Variants in SEPTIN1 observed in about 807,000 individuals in gnomAD.
The protein encoded by SEPTIN1 is septin 1.
SEPTIN1 carries 52 observed loss-of-function variants against 50.7 expected under a neutral mutation model. That is an observed-to-expected ratio of 1.03 (90% confidence interval 0.82 to 1.29). SEPTIN1 has a LOEUF of 1.29. SEPTIN1 is among the 50% of genes most tolerant of loss of function. The pLI, the probability that SEPTIN1 is intolerant of heterozygous loss-of-function variation, is 0.00. For missense variants in SEPTIN1, 455 were observed against 490.7 expected (o/e 0.93, Z 0.69); for synonymous variants, 204 against 189.1 (o/e 1.08, Z -0.65).
chr16:30,382,800 G>A (rs1295434890), upstream of SEPTIN1: 18 of 1,535,234 alleles, frequency 1.2e-5, no homozygotes, highest in Non-Finnish European at 1.6e-5. The surrounding 1 kb of genome is among the most constrained non-coding windows in gnomAD (Gnocchi z 4.8). Context: ...ATCGTGGTGA[G>A]ACATGGGGTA....
chr16:30,378,821 T>A (rs2049791433), intron 9 of SEPTIN1, 121 bp from the exon 10 acceptor site: 1 of 655,512 alleles, frequency 1.5e-6, no homozygotes, highest in Non-Finnish European at 2.1e-6. Flanking sequence ...TCCTTGAGGT[T>A]AGGGCCGGAG....
In SEPTIN1 at chr16:30,379,217, AG is replaced by A. The variant is rs754959275; in HGVS notation, c.776-35del. 2.5e-6 allele frequency: 4 copies of A among 1,611,554 alleles called. No homozygotes were observed. The African/African-American group carries it at 5.3e-5, about 22-fold the overall frequency. On this transcript the variant is annotated intron_variant, in intron 8 of 10. Transcript: ENST00000321367. ...GGGGCGGCGCGGACCAGCGAACGTCAGGGAGTTTCGGGTCCAACCCACCCGT... is the reference window on the plus strand; with the variant it reads ...GGGGCGGCGCGGACCAGCGAACGTCAGGAGTTTCGGGTCCAACCCACCCGT...
chr16:30,381,300 T>G lies in SEPTIN1; in HGVS notation c.455+39A>C. Reference sequence around the variant, plus strand: ...TCAGGGGGCAGAGACCCCCCAGCCCTCCCTAAATGCGCCAGCCCCCAGGAT... The same window carrying G: ...TCAGGGGGCAGAGACCCCCCAGCCCGCCCTAAATGCGCCAGCCCCCAGGAT... On this transcript the variant is annotated intron_variant, in intron 5 of 10. Coordinates refer to ENST00000321367, the MANE Select transcript of SEPTIN1 (RefSeq NM_001365977.2). The surrounding 1 kb of genome is among the most constrained non-coding windows in gnomAD (Gnocchi z 4.3). 149 of 1,209,940 alleles carry G rather than the reference T, an allele frequency of 1.2e-4. No individual in the cohort carries two copies. Among genetic ancestry groups the G allele is most frequent in the Non-Finnish European group, 1.5e-4 (132 of 878,276 alleles). 75.0% of individuals were successfully genotyped at this position (1,209,940 alleles called of 1,614,324 possible). A position where few individuals can be genotyped will look rare whatever the true frequency, so the allele number is the denominator to read the frequency against.
chr16:30,379,300 G>A, intron 8 of SEPTIN1, 117 bp from the exon 9 acceptor site: 2 of 1,461,492 alleles, frequency 1.4e-6, no homozygotes, highest in Non-Finnish European at 1.9e-6. Flanking sequence ...TCCGCGGTCT[G>A]CAGCCCAGCG....
In SEPTIN1 at chr16:30,378,245, G is replaced by C; in HGVS notation, c.*189C>G. On this transcript the variant is annotated 3_prime_UTR_variant, in exon 11 of 11. Coordinates refer to ENST00000321367, the MANE Select transcript of SEPTIN1 (RefSeq NM_001365977.2). ...GTGCAGGCCCCGGGCCGGGAAGTGG[G>C]CGGTGTCTGGGTGGGCGGGACCAGC... 1 of 673,872 alleles carries C rather than the reference G, an allele frequency of 1.5e-6. No homozygotes were observed. Among genetic ancestry groups the C allele is most frequent in the Admixed American group, 2.5e-5 (1 of 40,150 alleles). The allele number at this position is 673,872 out of a possible 1,614,324, so 41.7% of individuals were successfully genotyped here.
At chr16:30,379,315 C>G (rs1328446903) in intron 8 of SEPTIN1, 120 bp downstream of exon 8, 2 of 1,435,420 alleles carry the variant, frequency 1.4e-6, no homozygotes, top group East Asian at 2.3e-5. Flanking sequence ...CCAGCGACCC[C>G]CCTTTCCTCC....
chr16:30,379,426 C>T lies in SEPTIN1; in HGVS notation c.775+9G>A, dbSNP rs1567423493. On this transcript the variant is annotated intron_variant, in intron 8 of 10. Transcript: ENST00000321367. The stretch of plus-strand genomic sequence containing the variant: ...GCTGGCCTTAGGACCCCTGCCTGGC[C>T]TCACTCACCCTCCACGGTCCCCCAG... 6.2e-7 allele frequency: 1 copy of T among 1,612,156 alleles called. No individual in the cohort carries two copies. The highest frequency in any genetic ancestry group is 8.5e-7 in the Non-Finnish European group (1 of 1,178,542).
At position 30,379,914 on chromosome 16, in the gene SEPTIN1, C is replaced by T. The variant is rs373992667; in HGVS notation, c.675+18G>A. 1.4e-6 allele frequency: 2 copies of T among 1,406,700 alleles called. No homozygotes were observed. Among genetic ancestry groups the T allele is most frequent in the African/African-American group, 2.8e-5 (2 of 70,356 alleles). 87.1% of individuals were successfully genotyped at this position (1,406,700 alleles called of 1,614,324 possible). A position where few individuals can be genotyped will look rare whatever the true frequency, so the allele number is the denominator to read the frequency against. ...GAGCCACCGTGCCCGGCCTGCCTTC[C>T]TTCTTTGTTTCCCACACCTTCATCT... On this transcript the variant is annotated intron_variant, in intron 7 of 10. Coordinates refer to ENST00000321367, the MANE Select transcript of SEPTIN1 (RefSeq NM_001365977.2).
chr16:30,379,913 C>T lies in SEPTIN1; in HGVS notation c.675+19G>A. On this transcript the variant is annotated intron_variant, in intron 7 of 10. Transcript: ENST00000321367. ...TGAGCCACCGTGCCCGGCCTGCCTTCCTTCTTTGTTTCCCACACCTTCATC... is the reference window on the plus strand; with the variant it reads ...TGAGCCACCGTGCCCGGCCTGCCTTTCTTCTTTGTTTCCCACACCTTCATC... The T allele has an allele frequency of 7.2e-7, 1 of 1,385,958 alleles. No individual in the cohort carries two copies. Among genetic ancestry groups the T allele is most frequent in the East Asian group, 2.3e-5 (1 of 43,428 alleles). 85.9% of individuals were successfully genotyped at this position (1,385,958 alleles called of 1,614,324 possible). A position where few individuals can be genotyped will look rare whatever the true frequency, so the allele number is the denominator to read the frequency against.
rs2049784077 is a variant in SEPTIN1, at chr16:30,378,513, C to A, written c.1040G>T (p.Arg347Leu). Residue 347 changes from arginine to leucine, a missense_variant, in exon 11 of 11, where the codon CGC (arginine) becomes CTC (leucine). By Grantham distance (102) the Arg-to-Leu change is moderately radical (BLOSUM62 -2). Transcript: ENST00000321367. ...CATCTTCTCCAGCATCTCTTGCATG[C>A]GGCGCAGCTGTGCAGGGCGAGATTG... The part of the protein sequence containing the change: ...LIREKDEELR[R>L]MQEMLEKMQA... 6.3e-7 allele frequency: 1 copy of A among 1,582,188 alleles called. No homozygotes were observed. The highest frequency in any genetic ancestry group is 8.6e-7 in the Non-Finnish European group (1 of 1,164,126).
At chr16:30,382,571 C>T, upstream of SEPTIN1, 1 of 1,580,162 alleles carries the variant, frequency 6.3e-7, no homozygotes, top group Non-Finnish European at 8.6e-7. The surrounding 1 kb of genome is among the most constrained non-coding windows in gnomAD (Gnocchi z 4.8). Flanking sequence ...TCCCCACTTC[C>T]TCTGGTGGGG....
chr16:30,378,974 G>A (rs760365510), intron 9 of SEPTIN1, 44 bp downstream of exon 9: 1 of 1,586,350 alleles, frequency 6.3e-7, no homozygotes. Flanking sequence ...TCATGGGTGA[G>A]GCGGGACCTT....
In SEPTIN1 at chr16:30,379,010, G is replaced by T. The variant is rs777791430; in HGVS notation, c.941+8C>A. 1.2e-6 allele frequency: 2 copies of T among 1,612,228 alleles called. No individual in the cohort carries two copies. Among genetic ancestry groups the T allele is most frequent in the South Asian group, 2.2e-5 (2 of 90,990 alleles). Reference sequence around the variant, plus strand: ...GGAGGCTCTGATACTGTCCGCCCCGGGTCTCACCTGCGGCTGGCTCGATCG... The same window carrying T: ...GGAGGCTCTGATACTGTCCGCCCCGTGTCTCACCTGCGGCTGGCTCGATCG... On this transcript the variant is annotated splice_region_variant and intron_variant, in intron 9 of 10. Transcript: ENST00000321367.
chr16:30,380,809 A>G, intron 6 of SEPTIN1: 1 of 382,696 alleles, frequency 2.6e-6, no homozygotes, highest in Non-Finnish European at 4.8e-6. Flanking sequence ...AGAGAGATAT[A>G]AGCAGAAACA....
In SEPTIN1 at chr16:30,379,640, CTTTTTTTTT is replaced by C. The variant is rs71149011; in HGVS notation, c.676-115_676-107del. 2,037 of 239,278 alleles carry C rather than the reference CTTTTTTTTT, an allele frequency of 8.5e-3. 2 individuals are homozygous for C. Among genetic ancestry groups the C allele is most frequent in the African/African-American group, 0.024 (645 of 26,912 alleles). 14.8% of individuals were successfully genotyped at this position (239,278 alleles called of 1,614,324 possible). ...CCTCCTCTGCTTCCTGCCCCTTCCT[CTTTTTTTTT>C]TTTTTTTTTTTTTTTTTGAGACAGG... On this transcript the variant is annotated intron_variant, in intron 7 of 10. Coordinates refer to ENST00000321367, the MANE Select transcript of SEPTIN1 (RefSeq NM_001365977.2).
intron 10 of SEPTIN1, 42 bp from the exon 11 acceptor site, chr16:30,378,562 G>T: frequency 6.2e-7 from 1 of 1,606,934 alleles, no homozygotes. Flanking sequence ...GGCGAAGCCA[G>T]AGGGGGACCT....
chr16:30,380,157 G>C (rs1019785247), intron 6 of SEPTIN1, 124 bp from the exon 7 acceptor site: 2 of 629,746 alleles, frequency 3.2e-6, no homozygotes, highest in African/African-American at 3.8e-5. Context: ...ATGAAAGACA[G>C]AGATGGGGAG....
At chr16:30,380,834 T>C in intron 6 of SEPTIN1, 1 of 459,134 alleles carries the variant, frequency 2.2e-6, no homozygotes, top group Admixed American at 3.5e-5. Context: ...GAAAGGGCTC[T>C]GAAGACACGG....
Position 30,381,354 on chromosome 16 carries a change from G to GA in SEPTIN1, c.439dup (p.Ser147PhefsTer64). Reference sequence around the variant, plus strand: ...CCCACCAGACCCCCGGCCGAAGGGTGAGATGAAGTAGAGGCAGCAGTGGAC... The same window carrying GA: ...CCCACCAGACCCCCGGCCGAAGGGTGAAGATGAAGTAGAGGCAGCAGTGGAC... On this transcript the variant is annotated frameshift_variant, in exon 5 of 11. Coordinates refer to ENST00000321367, the MANE Select transcript of SEPTIN1 (RefSeq NM_001365977.2). LOFTEE classifies it high-confidence loss of function. This position sits in a 1 kb window ranked among gnomAD's most constrained non-coding sequence, Gnocchi z 4.3. 11 of 1,613,304 alleles carry GA rather than the reference G, an allele frequency of 6.8e-6. No homozygotes were observed. Among genetic ancestry groups the GA allele is most frequent in the Non-Finnish European group, 9.3e-6 (11 of 1,179,590 alleles).
Sources: gnomAD v4.1 joint callset for allele counts on GRCh38, gnomAD v4.1.1 for gene constraint, Gnocchi (gnomAD v3.1) non-coding constraint, MANE v1.5 for transcripts, NCBI Gene and HGNC (gene_info 2026-07-23, HGNC 2026-07-21) for gene names.